HDAC2: variants seen among roughly 807,000 people sequenced by gnomAD.
The protein encoded by HDAC2 is YY1-associated factor 1.
Under a neutral mutation model 68.5 loss-of-function variants are expected in HDAC2, and 5 were observed. The ratio of observed to expected loss-of-function variants is 0.07; its 90% CI spans 0.04 to 0.15. HDAC2 has a LOEUF of 0.15. Ranked by LOEUF, HDAC2 falls within the 10% of genes least tolerant of loss-of-function variation. HDAC2 has a pLI of 1.00. For synonymous variants in HDAC2, 182 were observed against 191.3 expected (o/e 0.95, Z 0.40); for missense variants, 291 against 600.8 (o/e 0.48, Z 5.39).
intron 3 of HDAC2, among the ~76,000 whole-genome samples, chr6:113,957,449 G>A (rs1776581662): frequency 6.6e-6 from 1 of 151,442 alleles, no homozygotes; most frequent in Admixed American, 6.6e-5. Flanking sequence ...TATAAGAAAT[G>A]AATTTTAGTT....
In HDAC2 at chr6:113,971,141, A is replaced by G; in HGVS notation, c.-233T>C. The G allele has an allele frequency of 6.8e-7, 1 of 1,480,200 alleles. No homozygotes were observed. The highest frequency in any genetic ancestry group is 9.1e-7 in the Non-Finnish European group (1 of 1,104,146). The allele number at this position is 1,480,200 out of a possible 1,614,324, so 91.7% of individuals were successfully genotyped here. ...GAGGTGGCAGCGGCACCAACTCGCG[A>G]GGAGGGGGCCACCAAACCACCTCAG... is the stretch of plus-strand genomic sequence containing the variant. On this transcript the variant is annotated 5_prime_UTR_variant, in exon 1 of 14. Transcript: ENST00000519065.
intron 4 of HDAC2, 139 bp downstream of exon 4, chr6:113,956,480 T>A: frequency 1.6e-6 from 1 of 644,538 alleles, no homozygotes; most frequent in Non-Finnish European, 2.7e-6. Flanking sequence ...GAAAGTAAAT[T>A]GTACTTTACT....
intron 3 of HDAC2, 85 bp from the exon 4 acceptor site, chr6:113,956,778 CTT>C: frequency 3.1e-6 from 3 of 964,682 alleles, no homozygotes; most frequent in Non-Finnish European, 4.9e-6. Flanking sequence ...CCCACAAATA[CTT>C]TTTTGCTTGA....
chr6:113,963,093 T>C (rs1199991617), intron 1 of HDAC2, among the ~76,000 whole-genome samples: 2 of 152,134 alleles, frequency 1.3e-5, no homozygotes, highest in Admixed American at 6.5e-5. Context: ...CCACTTTGTT[T>C]TCTTTTTGAG....
intron 1 of HDAC2, among the ~76,000 whole-genome samples, chr6:113,967,630 AAT>A (rs1486088051): frequency 2.6e-5 from 4 of 152,186 alleles, no homozygotes; most frequent in Non-Finnish European, 5.9e-5. Context: ...ACAAGCACTA[AAT>A]ATGTTTGGCC....
chr6:113,948,171 T>C (rs1000336855), intron 8 of HDAC2: 4 of 152,178 alleles, frequency 2.6e-5, no homozygotes, highest in African/African-American at 9.7e-5. Context: ...TAGTATGTAC[T>C]GCAGCACTCC....
Position 113,971,116 on chromosome 6 carries a change from G to C in HDAC2, c.-208C>G. 6.5e-7 allele frequency: 1 copy of C among 1,544,562 alleles called. No homozygotes were observed. The highest frequency in any genetic ancestry group is 8.7e-7 in the Non-Finnish European group (1 of 1,143,384). Reference sequence around the variant, plus strand: ...CAGAGGTGCCGAAAGCTCGGAATCGGAGGTGGCAGCGGCACCAACTCGCGA... The same window carrying C: ...CAGAGGTGCCGAAAGCTCGGAATCGCAGGTGGCAGCGGCACCAACTCGCGA... On this transcript the variant is annotated 5_prime_UTR_variant, in exon 1 of 14. Coordinates refer to ENST00000519065, the MANE Select transcript of HDAC2 (RefSeq NM_001527.4).
At chr6:113,965,662 C>A (rs1318553744) in intron 1 of HDAC2, among the ~76,000 whole-genome samples, 1 of 152,152 alleles carries the variant, frequency 6.6e-6, no homozygotes, top group Non-Finnish European at 1.5e-5. Flanking sequence ...TGAGCCACTG[C>A]ACCCGGCCCC....
At chr6:113,963,944 T>C (rs955572996) in intron 1 of HDAC2, among the ~76,000 whole-genome samples, 2 of 152,180 alleles carry the variant, frequency 1.3e-5, no homozygotes, top group African/African-American at 4.8e-5. Flanking sequence ...TCCTTCAAAT[T>C]AGATATGTTT....
intron 10 of HDAC2, 95 bp downstream of exon 10, chr6:113,945,267 T>A (rs1776242297): frequency 1.9e-6 from 1 of 528,726 alleles, no homozygotes. Flanking sequence ...AAATATCTAA[T>A]AAAGTTAAAA....
chr6:113,960,079 A>C, intron 1 of HDAC2, 61 bp from the exon 2 acceptor site: 1 of 824,398 alleles, frequency 1.2e-6, no homozygotes, highest in Non-Finnish European at 2.1e-6. Flanking sequence ...GAACTATTTG[A>C]ATTTATGTAT....
Position 113,933,541 on chromosome 6 carries a change from C to T in HDAC2, c.*7517G>A, listed in dbSNP as rs1329969913. Reference sequence around the variant, plus strand: ...TCCCCTTCCCACTTCTATTTCCATTCCAGTCCATTCTATTCCCATTCCATT... The same window carrying T: ...TCCCCTTCCCACTTCTATTTCCATTTCAGTCCATTCTATTCCCATTCCATT... On this transcript the variant is annotated 3_prime_UTR_variant, in exon 14 of 14. Transcript: ENST00000519065. 1 of 152,186 alleles carries T rather than the reference C, an allele frequency of 6.6e-6. No homozygotes were observed. The highest frequency in any genetic ancestry group is 2.4e-5 in the African/African-American group (1 of 41,414). 9.4% of individuals were successfully genotyped at this position (152,186 alleles called of 1,614,324 possible).
At chr6:113,943,221 AAG>A (rs971881363) in intron 12 of HDAC2, 128 bp downstream of exon 12, 29 of 640,230 alleles carry the variant, frequency 4.5e-5, no homozygotes, top group South Asian at 4.6e-5. Context: ...TGTAAGAAAA[AAG>A]AGTCACCTAC....
intron 1 of HDAC2, among the ~76,000 whole-genome samples, chr6:113,966,453 G>A (rs1348745739): frequency 6.6e-6 from 1 of 151,802 alleles, no homozygotes; most frequent in African/African-American, 2.4e-5. Flanking sequence ...TTGGGAGGCT[G>A]AGGCAAGAGA....
intron 10 of HDAC2, among the ~76,000 whole-genome samples, 163 bp from the exon 11 acceptor site, chr6:113,944,573 T>C (rs1346213482): frequency 6.6e-6 from 1 of 152,144 alleles, no homozygotes; most frequent in Non-Finnish European, 1.5e-5. Flanking sequence ...GGCAAGATCA[T>C]AGCTCACTGC....
chr6:113,945,063 G>C, intron 10 of HDAC2, among the ~76,000 whole-genome samples: 1 of 151,606 alleles, frequency 6.6e-6, no homozygotes, highest in Non-Finnish European at 1.5e-5. Context: ...AAATTAAATG[G>C]CTGAATACGG....
rs576603734 is a variant in HDAC2 at position 113,970,783 on chromosome 6, C to T, written c.52+74G>A. On this transcript the variant is annotated intron_variant, in intron 1 of 13. Coordinates refer to ENST00000519065, the MANE Select transcript of HDAC2 (RefSeq NM_001527.4). ...CCTTCCCACCCCTCAGCCCCGGCGC[C>T]CACTCGCGACGGCAGCCGCGGAACC... The T allele has an allele frequency of 2.0e-3, 2,899 of 1,442,064 alleles. 41 individuals are homozygous for T. The highest frequency in any genetic ancestry group is 0.018 in the South Asian group (1,223 of 67,776). 89.3% of individuals were successfully genotyped at this position (1,442,064 alleles called of 1,614,324 possible).
At chr6:113,967,047 CAT>C (rs1432762575) in intron 1 of HDAC2, among the ~76,000 whole-genome samples, 1 of 152,202 alleles carries the variant, frequency 6.6e-6, no homozygotes, top group Non-Finnish European at 1.5e-5. Flanking sequence ...TGGTACTACT[CAT>C]AAATACAAGT....
In HDAC2 at chr6:113,934,220, A is replaced by G. The variant is rs1053751065; in HGVS notation, c.*6838T>C. 2.6e-5 allele frequency: 4 copies of G among 152,206 alleles called. No individual in the cohort carries two copies. The highest frequency in any genetic ancestry group is 7.2e-5 in the African/African-American group (3 of 41,458). The allele number at this position is 152,206 out of a possible 1,614,324, so 9.4% of individuals were successfully genotyped here. ...CAAAAACATTTTATCCTGAATGCCA[A>G]CTATCTGGGTTAATGACTATCTGGG... On this transcript the variant is annotated 3_prime_UTR_variant, in exon 14 of 14. Transcript: ENST00000519065.
Sources: gnomAD v4.1 joint callset for allele counts (sites outside exome capture counted in the v4.1 genomes callset) on GRCh38, gnomAD v4.1.1 for gene constraint, MANE v1.5 for transcripts, NCBI Gene and HGNC (gene_info 2026-07-23, HGNC 2026-07-21) for gene names.